The following KCNH7 variants were observed in gnomAD, a reference collection of about 807,000 sequenced individuals.
KCNH7 encodes potassium voltage-gated channel subfamily H member 7, also known as voltage-gated inwardly rectifying potassium channel KCNH7.
A neutral mutation model predicts 120.8 loss-of-function variants in KCNH7; 49 were observed. The ratio of observed to expected loss-of-function variants is 0.41; its 90% CI spans 0.32 to 0.51. The LOEUF (loss-of-function observed/expected upper bound fraction) is 0.51, where lower values mean the gene tolerates loss of function less well. Ranked by LOEUF, KCNH7 falls within the 20% of genes least tolerant of loss-of-function variation. The pLI is 0.38. For missense variants in KCNH7, 1,097 were observed against 1,446.6 expected (o/e 0.76, Z 3.92); for synonymous variants, 547 against 516.1 (o/e 1.06, Z -0.81).
At chr2:162,583,158 T>C (rs1693933885) in intron 2 of KCNH7, among the ~76,000 whole-genome samples, 1 of 152,038 alleles carries the variant, frequency 6.6e-6, no homozygotes, top group Admixed American at 6.6e-5. Context: ...TAAACTGTAA[T>C]TGGTTATGAT....
intron 2 of KCNH7, among the ~76,000 whole-genome samples, chr2:162,752,902 G>GAAAAAAGAAAAGAAAAGA (rs140501872): frequency 1.1e-4 from 7 of 61,218 alleles, no homozygotes; most frequent in Admixed American, 9.8e-4. Context: ...CTACATCTCA[G>GAAAAAAGAAAAGAAAAGA]AAAAAGAAAA....
intron 2 of KCNH7, among the ~76,000 whole-genome samples, chr2:162,631,837 A>G (rs1683778496): frequency 6.6e-6 from 1 of 152,046 alleles, no homozygotes; most frequent in African/African-American, 2.4e-5. Flanking sequence ...TGACACAAGA[A>G]ATATTAAAGC....
At chr2:162,434,957 T>C (rs1688190293) in intron 8 of KCNH7, among the ~76,000 whole-genome samples, 1 of 152,052 alleles carries the variant, frequency 6.6e-6, no homozygotes, top group South Asian at 2.1e-4. Flanking sequence ...CAAGTTTCAA[T>C]TCCTGAAACC....
intron 2 of KCNH7, among the ~76,000 whole-genome samples, chr2:162,727,284 AT>A (rs569680154): frequency 1.3e-5 from 2 of 152,226 alleles, no homozygotes; most frequent in Non-Finnish European, 2.9e-5. Context: ...TTTTATTAAG[AT>A]TTTTTTGTCT....
intron 2 of KCNH7, among the ~76,000 whole-genome samples, chr2:162,634,043 T>C (rs1683857396): frequency 6.6e-6 from 1 of 152,058 alleles, no homozygotes; most frequent in Non-Finnish European, 1.5e-5. Flanking sequence ...TCTGTGTGTG[T>C]AACGAATGAG....
intron 8 of KCNH7, among the ~76,000 whole-genome samples, chr2:162,429,381 G>GCCTTTTTTTTTTTTTTTTTTTTTTTT (rs1687982150): frequency 2.3e-5 from 1 of 43,426 alleles, no homozygotes; most frequent in African/African-American, 1.4e-4. Context: ...TGAGGAAAAA[G>GCCTTTTTTTTTTTTTTTTTTTTTTTT]TCTTTTTTTT....
intron 6 of KCNH7, among the ~76,000 whole-genome samples, chr2:162,480,382 A>C (rs886709407): frequency 1.3e-5 from 2 of 152,096 alleles, no homozygotes; most frequent in African/African-American, 4.8e-5. Context: ...TAGCAATGGG[A>C]TTGGGAGGGT....
At chr2:162,478,411 T>A (rs755444123) in intron 6 of KCNH7, among the ~76,000 whole-genome samples, 1 of 152,202 alleles carries the variant, frequency 6.6e-6, no homozygotes, top group Non-Finnish European at 1.5e-5. Context: ...GTGATGAGCA[T>A]CTCATAGATT....
chr2:162,454,751 T>C (rs962167084), intron 6 of KCNH7, among the ~76,000 whole-genome samples: 7 of 152,066 alleles, frequency 4.6e-5, no homozygotes, highest in Non-Finnish European at 1.0e-4. Context: ...GTATTGTTGG[T>C]GTACAGGAAT....
chr2:162,520,459 A>G (rs954974289), intron 3 of KCNH7, among the ~76,000 whole-genome samples: 9 of 151,800 alleles, frequency 5.9e-5, no homozygotes, highest in Admixed American at 5.9e-4. Context: ...AATAATTTTT[A>G]TCTTTAAAAA....
chr2:162,403,021 T>C (rs1687109369), intron 9 of KCNH7, among the ~76,000 whole-genome samples: 1 of 151,966 alleles, frequency 6.6e-6, no homozygotes, highest in African/African-American at 2.4e-5. Flanking sequence ...GTTTCTTTTT[T>C]TGGGAAAGCT....
intron 14 of KCNH7, among the ~76,000 whole-genome samples, chr2:162,377,684 TCCCTCTCTTCCTGGCCCTCCC>T (rs1686257367): frequency 6.6e-6 from 1 of 152,128 alleles, no homozygotes; most frequent in Non-Finnish European, 1.5e-5. Context: ...CAGGCATACA[TCCCTCTCTTCCTGGCCCTCCC>T]CAGCTCTATT....
At chr2:162,705,714 T>G (rs1236963881) in intron 2 of KCNH7, among the ~76,000 whole-genome samples, 1 of 152,134 alleles carries the variant, frequency 6.6e-6, no homozygotes. Flanking sequence ...TCAGATTTCA[T>G]GTAGTTTCAG....
chr2:162,618,622 A>G (rs1683231836), intron 2 of KCNH7, among the ~76,000 whole-genome samples: 1 of 152,198 alleles, frequency 6.6e-6, no homozygotes, highest in South Asian at 2.1e-4. Flanking sequence ...TATTTGGTTA[A>G]AACATTTTTG....
At chr2:162,632,079 A>T (rs1683787077) in intron 2 of KCNH7, among the ~76,000 whole-genome samples, 1 of 152,016 alleles carries the variant, frequency 6.6e-6, no homozygotes, top group Non-Finnish European at 1.5e-5. Flanking sequence ...AGAGGAAGGA[A>T]AAAAGCTGCC....
chr2:162,543,804 T>G (rs141684015), intron 2 of KCNH7, among the ~76,000 whole-genome samples: 1 of 152,042 alleles, frequency 6.6e-6, no homozygotes, highest in African/African-American at 2.4e-5. Context: ...GTGGGGAAGG[T>G]CAAATCAGAT....
At chr2:162,413,933 A>G (rs1057421848) in intron 9 of KCNH7, among the ~76,000 whole-genome samples, 1 of 151,990 alleles carries the variant, frequency 6.6e-6, no homozygotes. Context: ...AAAATAATGG[A>G]AAATATGCAA....
At chr2:162,751,962 C>A (rs1688566953) in intron 2 of KCNH7, among the ~76,000 whole-genome samples, 1 of 151,896 alleles carries the variant, frequency 6.6e-6, no homozygotes, top group South Asian at 2.1e-4. Context: ...AATAAAATTT[C>A]TAGTGATTTT....
At chr2:162,413,757 AG>A (rs2105470617) in intron 9 of KCNH7, among the ~76,000 whole-genome samples, 1 of 152,112 alleles carries the variant, frequency 6.6e-6, no homozygotes, top group East Asian at 1.9e-4. Context: ...ATAAAATAAA[AG>A]TTGACCAATT....
Sources: allele counts gnomAD v4.1 joint callset (sites outside exome capture counted in the v4.1 genomes callset), GRCh38; gene constraint gnomAD v4.1.1; transcripts MANE v1.5; gene names NCBI Gene and HGNC (gene_info 2026-07-23, HGNC 2026-07-21).